Variants in NBPF12 observed in about 807,000 individuals in gnomAD.
NBPF12 encodes NBPF family member NBPF12.
In NBPF12, 115 loss-of-function variants were observed where a neutral mutation model predicts 146.4. That is an observed-to-expected ratio of 0.79 (90% CI 0.68 to 0.92). The LOEUF (loss-of-function observed/expected upper bound fraction) is 0.92. NBPF12 is among the 40% of genes least tolerant of loss of function. The probability of loss-of-function intolerance (pLI) is 0.00; values close to 1 mark genes in which losing one functional copy is unlikely to be tolerated. For missense variants in NBPF12, 1,205 were observed against 1,326.8 expected, an observed-to-expected ratio of 0.91 and a Z score of 1.43; for synonymous variants, 385 against 508.9, an observed-to-expected ratio of 0.76 and a Z score of 3.28.
chr1:146,983,362 A>G, intron 20 of NBPF12: 2 of 614,420 alleles, frequency 3.3e-6, no homozygotes, highest in East Asian at 3.2e-5. Context: ...AGGTGTGGCA[A>G]ACTCACACCA....
rs1263275403 is a variant in NBPF12, at chr1:146,968,516, C to G, written c.1057C>G (p.Leu353Val). 1.7e-3 allele frequency: 2,729 copies of G among 1,610,498 alleles called. 100 individuals are homozygous for G. In the African/African-American group the frequency reaches 0.033, roughly 19 times the overall value. The change falls in exon 10 of 34, where the codon CTT (leucine) becomes GTT (valine). Residue 353 changes from leucine (L) to valine (V), a missense_variant. Coordinates refer to ENST00000617844, the Ensembl canonical transcript of NBPF12. ...TGAGCTACAGTTCAAGGAGGAGAAGCTTGCAGAGCAGCTGAAGCAAGCTGA... is the reference window on the plus strand; with the variant it reads ...TGAGCTACAGTTCAAGGAGGAGAAGGTTGCAGAGCAGCTGAAGCAAGCTGA...
chr1:146,977,106 C>T (rs1486960691), intron 17 of NBPF12, 105 bp downstream of exon 20: 3 of 730,466 alleles, frequency 4.1e-6, no homozygotes, highest in Non-Finnish European at 7.3e-6. Flanking sequence ...CCCGCATTCG[C>T]TTGGCCACAG....
chr1:146,966,316 C>T (rs1656202953), intron 8 of NBPF12, 148 bp from the exon 12 acceptor site: 2 of 785,606 alleles, frequency 2.5e-6, no homozygotes, highest in African/African-American at 3.4e-5. Context: ...TAAAGGAGAT[C>T]AAGACTGGAG....
chr1:146,984,698 T>C (rs1657634653), intron 21 of NBPF12, 115 bp from the exon 25 acceptor site: 11 of 763,850 alleles, frequency 1.4e-5, no homozygotes, highest in Non-Finnish European at 2.6e-5. Context: ...ACCTCATTAA[T>C]GGATCTGTCC....
chr1:146,980,428 G>C (rs1272254486), intron 19 of NBPF12, among the ~76,000 whole-genome samples: 6 of 152,002 alleles, frequency 3.9e-5, no homozygotes, highest in African/African-American at 1.5e-4. Context: ...TTTAGAGTTT[G>C]GCATGTTTTT....
intron 12 of NBPF12, 56 bp from the exon 16 acceptor site, chr1:146,971,127 G>T: frequency 1.2e-6 from 2 of 1,608,390 alleles, no homozygotes; most frequent in Non-Finnish European, 1.7e-6. Context: ...GACTCCTTGG[G>T]GTCCAATCCC....
At chr1:146,972,183 T>G (rs1440868779) in intron 13 of NBPF12, among the ~76,000 whole-genome samples, 3 of 150,328 alleles carry the variant, frequency 2.0e-5, no homozygotes, top group Non-Finnish European at 2.9e-5. Context: ...ACACCTGAGG[T>G]CAGGAGTTCG....
At chr1:146,954,389 C>CAAAAAAAAAAA (rs1170420550) in intron 2 of NBPF12, among the ~76,000 whole-genome samples, 1 of 24,028 alleles carries the variant, frequency 4.2e-5, no homozygotes, top group Non-Finnish European at 8.3e-5. Flanking sequence ...GACTCTGTCT[C>CAAAAAAAAAAA]AAAAAAAAAA....
chr1:146,976,868 C>T (rs1657069689), intron 16 of NBPF12, 61 bp from the exon 20 acceptor site: 1 of 589,014 alleles, frequency 1.7e-6, no homozygotes, highest in South Asian at 1.8e-5. Flanking sequence ...GCACATTGGG[C>T]TGACTGTGCT....
chr1:146,967,899 C>A (rs1163936029), intron 9 of NBPF12, among the ~76,000 whole-genome samples: 1 of 144,210 alleles, frequency 6.9e-6, no homozygotes, highest in African/African-American at 2.7e-5. Context: ...CATAGGATTT[C>A]CTTCATGGCC....
Position 146,939,500 on chromosome 1 carries a change from C to T in NBPF12, c.-822+518C>T, listed in dbSNP as rs2473999. 5.3e-3 allele frequency among the ~76,000 whole-genome samples: 802 copies of T among 151,870 alleles called. 10 individuals carry two copies. Among genetic ancestry groups the T allele is most frequent in the African/African-American group, 0.018 (742 of 41,184 alleles). ...AGCGTTTGTAGCGATCACTGAATCACCTCATGACTAGCGGGGCAAGCCTCC... is the reference window on the plus strand; with the variant it reads ...AGCGTTTGTAGCGATCACTGAATCATCTCATGACTAGCGGGGCAAGCCTCC... On this transcript the variant is annotated intron_variant, in intron 1 of 35. Coordinates refer to the NBPF12 transcript ENST00000617931.
At chr1:146,961,579 C>G (rs1655852597) in intron 4 of NBPF12, among the ~76,000 whole-genome samples, 1 of 149,364 alleles carries the variant, frequency 6.7e-6, no homozygotes, top group East Asian at 1.9e-4. Flanking sequence ...CTTAATGCTG[C>G]CTCTCATACT....
At position 146,963,327 on chromosome 1, in the gene NBPF12, C is replaced by T. The variant is rs1333116843; in HGVS notation, c.493+18C>T. On this transcript the variant is annotated intron_variant, in intron 6 of 33. Transcript: ENST00000617844. ...CAGCCCAGGTAAGGTGGCCATAGGC[C>T]CTGATGACCCAAAACCCCAGGCTTA... The T allele has an allele frequency of 2.5e-6, 4 of 1,611,378 alleles. No homozygotes were observed. The highest frequency in any genetic ancestry group is 3.4e-6 in the Non-Finnish European group (4 of 1,179,754).
intron 9 of NBPF12, among the ~76,000 whole-genome samples, chr1:146,967,875 C>T (rs1291795243): frequency 0.3 from 43,122 of 143,582 alleles, 7,356 homozygotes; most frequent in Admixed American, 0.42. Context: ...ACAGAAACTT[C>T]ATTAGCATTT....
At chr1:146,955,003 TATATATATATAC>T (rs1443502346) in intron 2 of NBPF12, among the ~76,000 whole-genome samples, 1 of 63,604 alleles carries the variant, frequency 1.6e-5, no homozygotes, top group African/African-American at 6.6e-5. Context: ...TATATATATA[TATATATATATAC>T]ACACACACAC....
chr1:146,981,277 TAAAAAAAA>T (rs878971787), intron 19 of NBPF12, among the ~76,000 whole-genome samples: 16 of 101,274 alleles, frequency 1.6e-4, no homozygotes, highest in African/African-American at 2.8e-4. Flanking sequence ...CTTAAAGTAT[TAAAAAAAA>T]AAAAAAAAAA....
chr1:146,940,253 G>C (rs1182856577), intron 1 of NBPF12, among the ~76,000 whole-genome samples: 1 of 151,470 alleles, frequency 6.6e-6, no homozygotes, highest in African/African-American at 2.4e-5. Context: ...TGAGAACTTT[G>C]TGTCAAAGAA....
At position 146,992,472 on chromosome 1, in the gene NBPF12, G is replaced by T. The variant is rs1221502693; in HGVS notation, c.3849-240G>T. Among the ~76,000 whole-genome samples, 695 of 101,650 alleles carry T rather than the reference G, an allele frequency of 6.8e-3. 1 individual carries two copies. The highest frequency in any genetic ancestry group is 0.02 in the East Asian group (45 of 2,226). The allele number at this position is 101,650 out of a possible 152,430, so 66.7% of individuals were successfully genotyped here. The stretch of plus-strand genomic sequence containing the variant: ...TCTCTCTCTCTCTCTCTGTGTGTGT[G>T]TGTGTGTGTGTGTGTGTGTGTGTGT... On this transcript the variant is annotated intron_variant, in intron 31 of 33. Transcript: ENST00000617844.
chr1:146,971,124 T>A, intron 12 of NBPF12, 59 bp from the exon 16 acceptor site: 6 of 1,608,434 alleles, frequency 3.7e-6, no homozygotes, highest in Non-Finnish European at 4.2e-6. Flanking sequence ...TAGGACTCCT[T>A]GGGGTCCAAT....
Sources: allele counts gnomAD v4.1 joint callset (sites outside exome capture counted in the v4.1 genomes callset), GRCh38; gene constraint gnomAD v4.1.1; transcripts MANE v1.5; gene names NCBI Gene and HGNC (gene_info 2026-07-23, HGNC 2026-07-21).